WDPCP: variants seen among roughly 807,000 people sequenced by gnomAD.
WDPCP encodes WD repeat containing planar cell polarity effector.
A neutral mutation model predicts 93.1 loss-of-function variants in WDPCP; 71 were observed. The ratio of observed to expected loss-of-function variants is 0.76; its 90% confidence interval spans 0.63 to 0.93. WDPCP has a LOEUF of 0.93. Among genes scored for constraint, WDPCP ranks in the 40% least tolerant of loss-of-function variants. The pLI is 0.00. For missense variants in WDPCP, 844 were observed against 887.4 expected (o/e 0.95, Z 0.62); for synonymous variants, 315 against 315.0 (o/e 1.00, Z 0.00).
At chr2:63,392,892 A>G (rs1693397107) in intron 10 of WDPCP, among the ~76,000 whole-genome samples, 1 of 152,172 alleles carries the variant, frequency 6.6e-6, no homozygotes, top group Non-Finnish European at 1.5e-5. Context: ...AAAACAACAG[A>G]TGCTGTGGAG....
At chr2:63,617,202 G>A (rs1213572295) in intron 3 of WDPCP, among the ~76,000 whole-genome samples, 1 of 152,126 alleles carries the variant, frequency 6.6e-6, no homozygotes, top group Non-Finnish European at 1.5e-5. Flanking sequence ...TGTATTTGTT[G>A]GAGTGATAAT....
At chr2:63,390,334 G>T (rs1339173582) in intron 10 of WDPCP, among the ~76,000 whole-genome samples, 2 of 152,084 alleles carry the variant, frequency 1.3e-5, no homozygotes, top group African/African-American at 4.8e-5. Flanking sequence ...CAGAAATAAA[G>T]ATGTTCTTTG....
chr2:63,244,572 A>G (rs141775945), intron 14 of WDPCP, among the ~76,000 whole-genome samples: 111 of 152,300 alleles, frequency 7.3e-4, no homozygotes, highest in Non-Finnish European at 1.4e-3. Context: ...AGATCCTTAC[A>G]GATTACGATG....
intron 1 of WDPCP, among the ~76,000 whole-genome samples, chr2:63,824,537 CAAAAAAAAAAAAAA>C (rs70965144): frequency 2.3e-5 from 2 of 85,330 alleles, no homozygotes; most frequent in South Asian, 9.5e-4. Flanking sequence ...GACCATGTTT[CAAAAAAAAAAAAAA>C]AAAAAAAAAA....
At chr2:63,248,149 C>G (rs1680434099) in intron 14 of WDPCP, among the ~76,000 whole-genome samples, 2 of 152,024 alleles carry the variant, frequency 1.3e-5, no homozygotes, top group South Asian at 4.2e-4. Flanking sequence ...TGTTTTAATT[C>G]AGGTTGATAA....
At chr2:63,590,208 C>G (rs897697273), upstream of WDPCP, 5 of 152,242 alleles carry the variant, frequency 3.3e-5, no homozygotes, top group African/African-American at 1.2e-4. Flanking sequence ...ATCTGATAAC[C>G]TTGGACTTTT....
intron 3 of WDPCP, among the ~76,000 whole-genome samples, chr2:63,612,192 A>C (rs778196843): frequency 2.6e-5 from 4 of 152,194 alleles, no homozygotes; most frequent in Non-Finnish European, 5.9e-5. Context: ...CTTGGATTCC[A>C]GCTCTGACTC....
chr2:63,815,311 G>A (rs71422397), intron 1 of WDPCP, among the ~76,000 whole-genome samples: 239 of 152,078 alleles, frequency 1.6e-3, no homozygotes, highest in Non-Finnish European at 2.6e-3. Flanking sequence ...AACCACCAGC[G>A]TAATAAATAA....
chr2:63,277,418 AT>A (rs766349446), intron 13 of WDPCP, among the ~76,000 whole-genome samples: 64 of 152,240 alleles, frequency 4.2e-4, no homozygotes, highest in Non-Finnish European at 6.0e-4. Context: ...TTAATGTTGA[AT>A]GTAAATGGCC....
At chr2:63,333,542 C>T (rs942720171) in intron 12 of WDPCP, among the ~76,000 whole-genome samples, 1 of 152,190 alleles carries the variant, frequency 6.6e-6, no homozygotes, top group Non-Finnish European at 1.5e-5. Context: ...AAAACTTGGT[C>T]ACCACAATCC....
intron 2 of WDPCP, among the ~76,000 whole-genome samples, chr2:63,720,617 T>A (rs1420050476): frequency 6.6e-6 from 1 of 152,126 alleles, no homozygotes; most frequent in Non-Finnish European, 1.5e-5. Context: ...CATTATTAAG[T>A]CTAATGTGTC....
intron 12 of WDPCP, among the ~76,000 whole-genome samples, chr2:63,369,856 T>C (rs930330761): frequency 6.6e-6 from 1 of 152,194 alleles, no homozygotes; most frequent in African/African-American, 2.4e-5. Flanking sequence ...ATACCATTCA[T>C]AATTTAGAAT....
chr2:63,717,181 A>T, intron 2 of WDPCP: 2 of 444,826 alleles, frequency 4.5e-6, no homozygotes, highest in Admixed American at 2.7e-5. Context: ...ATCTTTTTGT[A>T]TTCTTGCTGT....
chr2:63,320,437 T>C (rs1196823002), intron 12 of WDPCP, among the ~76,000 whole-genome samples: 2 of 152,172 alleles, frequency 1.3e-5, no homozygotes, highest in Non-Finnish European at 2.9e-5. Flanking sequence ...CTCCATTACC[T>C]TTATTTAATA....
intron 1 of WDPCP, among the ~76,000 whole-genome samples, chr2:63,824,537 C>CAAAAAA (rs70965144): frequency 1.2e-5 from 1 of 85,330 alleles, no homozygotes; most frequent in Non-Finnish European, 2.1e-5. Context: ...GACCATGTTT[C>CAAAAAA]AAAAAAAAAA....
upstream of WDPCP, among the ~76,000 whole-genome samples, chr2:63,592,558 C>G (rs1709220222): frequency 6.6e-6 from 1 of 152,176 alleles, no homozygotes; most frequent in Admixed American, 6.5e-5. Context: ...GTAGCCCAGG[C>G]TGGTCTCGAA....
At chr2:63,587,087 G>A (rs1452861479) in intron 1 of WDPCP, among the ~76,000 whole-genome samples, 1 of 152,228 alleles carries the variant, frequency 6.6e-6, no homozygotes, top group Non-Finnish European at 1.5e-5. Flanking sequence ...GATAATGGAA[G>A]AAATTTTTCG....
chr2:63,588,941 G>A (rs1709075400), upstream of WDPCP: 3 of 1,559,088 alleles, frequency 1.9e-6, no homozygotes, highest in East Asian at 2.2e-5. Context: ...GCCTTTTCTC[G>A]CTAACACCGC....
intron 2 of WDPCP, among the ~76,000 whole-genome samples, chr2:63,749,969 A>G (rs905207370): frequency 6.6e-6 from 1 of 152,124 alleles, no homozygotes; most frequent in Admixed American, 6.6e-5. Flanking sequence ...GAGGGACAAC[A>G]CATTAACTGT....
Sources: allele counts gnomAD v4.1 joint callset (sites outside exome capture counted in the v4.1 genomes callset), GRCh38; gene constraint gnomAD v4.1.1; transcripts MANE v1.5; gene names NCBI Gene and HGNC (gene_info 2026-07-23, HGNC 2026-07-21).